The following GRID2 variants were observed in gnomAD, a reference collection of about 807,000 sequenced individuals.
GRID2 encodes glutamate ionotropic receptor delta type subunit 2, also known as glutamate receptor ionotropic, delta-2.
GRID2 carries 33 observed loss-of-function variants against 114.8 expected under a neutral mutation model. The observed-to-expected ratio is 0.29, with a 90% CI of 0.22 to 0.38. The LOEUF is 0.38. GRID2 is among the 10% of genes least tolerant of loss of function. The pLI, the probability that GRID2 is intolerant of heterozygous loss-of-function variation, is 1.00. For synonymous variants in GRID2, 505 were observed against 449.9 expected (o/e 1.12, Z -1.55); for missense variants, 1,184 against 1,257.7 (o/e 0.94, Z 0.89).
chr4:92,634,235 A>G (rs1206833867), intron 2 of GRID2, among the ~76,000 whole-genome samples: 3 of 152,168 alleles, frequency 2.0e-5, no homozygotes. Context: ...AGTATTATAA[A>G]AGGACATAGG....
At chr4:92,875,385 C>A (rs1745559036) in intron 2 of GRID2, among the ~76,000 whole-genome samples, 1 of 151,880 alleles carries the variant, frequency 6.6e-6, no homozygotes, top group South Asian at 2.1e-4. Context: ...AGACTGGTCT[C>A]GAAATCCTGA....
Position 93,372,613 on chromosome 4 carries a change from T to C in GRID2, c.1246-22994T>C, listed in dbSNP as rs185689715. Among the ~76,000 whole-genome samples the C allele has an allele frequency of 1.4e-3, 207 of 152,242 alleles. 2 individuals carry two copies. Among genetic ancestry groups the C allele is most frequent in the Admixed American group, 0.011 (168 of 15,274 alleles). On this transcript the variant is annotated intron_variant, in intron 8 of 15. Transcript: ENST00000282020. ...AATTGACTCCTAAATGGTTTCTGTGTCTCTAGTGTCTTGTAGACATTAGAG... is the reference window on the plus strand; with the variant it reads ...AATTGACTCCTAAATGGTTTCTGTGCCTCTAGTGTCTTGTAGACATTAGAG...
chr4:92,508,196 AGTT>A (rs1229236956), intron 1 of GRID2, among the ~76,000 whole-genome samples: 4 of 151,936 alleles, frequency 2.6e-5, no homozygotes, highest in Non-Finnish European at 4.4e-5. Flanking sequence ...ATTCAGAAAC[AGTT>A]GTTGTATAAA....
intron 2 of GRID2, among the ~76,000 whole-genome samples, chr4:92,821,225 ATAAT>A (rs1220205035): frequency 6.6e-6 from 1 of 152,194 alleles, no homozygotes; most frequent in Non-Finnish European, 1.5e-5. Flanking sequence ...CTTCTTGTAA[ATAAT>A]TCCAATACAA....
At chr4:92,788,432 T>G (rs1464749181) in intron 2 of GRID2, among the ~76,000 whole-genome samples, 7 of 151,878 alleles carry the variant, frequency 4.6e-5, no homozygotes, top group African/African-American at 1.2e-4. Flanking sequence ...TTCAAGGAGC[T>G]TTGCTGCTAA....
intron 4 of GRID2, among the ~76,000 whole-genome samples, chr4:93,148,841 C>A (rs1004035933): frequency 4.6e-5 from 7 of 152,114 alleles, no homozygotes; most frequent in African/African-American, 1.7e-4. Context: ...ATAAATATTT[C>A]ATGACTAAAG....
chr4:93,792,102 A>T (rs1030113956), intron 1 of GRID2, among the ~76,000 whole-genome samples: 20 of 152,200 alleles, frequency 1.3e-4, no homozygotes, highest in Admixed American at 8.5e-4. Context: ...ATGAAAAGAA[A>T]TGGAAATATT....
intron 14 of GRID2, among the ~76,000 whole-genome samples, chr4:93,738,468 A>G (rs1731107692): frequency 6.6e-6 from 1 of 152,168 alleles, no homozygotes; most frequent in East Asian, 1.9e-4. Context: ...GGCTTGACCC[A>G]GAGCAATGGC....
intron 1 of GRID2, among the ~76,000 whole-genome samples, chr4:92,307,665 A>G (rs1027005223): frequency 2.0e-5 from 3 of 152,288 alleles, no homozygotes; most frequent in African/African-American, 4.8e-5. Context: ...TTGAAATGAA[A>G]ATGTATTTAT....
In GRID2 at chr4:93,653,612, A is replaced by G. The variant is rs193134291; in HGVS notation, c.2360+27177A>G. Reference sequence around the variant, plus strand: ...GAAGAATAAACTGCCTTCTAAATGTAGTTAGCTAAGAGAAAAGATTAGGAA... The same window carrying G: ...GAAGAATAAACTGCCTTCTAAATGTGGTTAGCTAAGAGAAAAGATTAGGAA... On this transcript the variant is annotated intron_variant, in intron 14 of 15. Coordinates refer to ENST00000282020, the MANE Select transcript of GRID2 (RefSeq NM_001510.4). Among the ~76,000 whole-genome samples, 307 of 152,240 alleles carry G rather than the reference A, an allele frequency of 2.0e-3. 2 individuals carry two copies. The highest frequency in any genetic ancestry group is 3.7e-3 in the Admixed American group (56 of 15,282).
chr4:93,786,687 TAAG>T (rs1178535663), intron 1 of GRID2, among the ~76,000 whole-genome samples: 5 of 152,272 alleles, frequency 3.3e-5, no homozygotes, highest in Middle Eastern at 3.4e-3. Context: ...GTCAGAAATT[TAAG>T]AAGAATAAAG....
At chr4:92,394,519 C>T (rs1177174713) in intron 1 of GRID2, among the ~76,000 whole-genome samples, 1 of 151,894 alleles carries the variant, frequency 6.6e-6, no homozygotes, top group Non-Finnish European at 1.5e-5. Flanking sequence ...GGTTACAATG[C>T]TTATATCATT....
intron 8 of GRID2, among the ~76,000 whole-genome samples, chr4:93,349,278 C>T (rs1214774349): frequency 6.6e-6 from 1 of 152,070 alleles, no homozygotes; most frequent in African/African-American, 2.4e-5. Context: ...GCCATCTACT[C>T]CATTACTTGG....
At chr4:93,252,329 ATTTTTTT>A (rs56056248) in intron 8 of GRID2, among the ~76,000 whole-genome samples, 1 of 119,760 alleles carries the variant, frequency 8.4e-6, no homozygotes, top group African/African-American at 3.2e-5. Context: ...GGAATCCTTC[ATTTTTTT>A]TTTTTTTTTT....
chr4:93,566,886 T>C (rs1459251493), intron 13 of GRID2, among the ~76,000 whole-genome samples: 4 of 152,202 alleles, frequency 2.6e-5, no homozygotes, highest in Non-Finnish European at 4.4e-5. Flanking sequence ...GTTTAATACA[T>C]GCTTTATACT....
chr4:93,676,538 G>A (rs1369661366), intron 14 of GRID2, among the ~76,000 whole-genome samples: 2 of 152,072 alleles, frequency 1.3e-5, no homozygotes, highest in Non-Finnish European at 2.9e-5. Context: ...ATAAATGGCT[G>A]TAACCTCCAC....
intron 8 of GRID2, among the ~76,000 whole-genome samples, chr4:93,383,504 C>A (rs980986888): frequency 6.6e-6 from 1 of 152,166 alleles, no homozygotes; most frequent in Non-Finnish European, 1.5e-5. Context: ...GACTCCAGAA[C>A]TCCAGAATAT....
chr4:92,333,102 C>A (rs1054998680), intron 1 of GRID2, among the ~76,000 whole-genome samples: 17 of 152,248 alleles, frequency 1.1e-4, no homozygotes, highest in African/African-American at 4.1e-4. Flanking sequence ...TGTAACAAGT[C>A]TCTGCCTGGT....
At chr4:92,839,846 G>A (rs1048203712) in intron 2 of GRID2, among the ~76,000 whole-genome samples, 4 of 152,080 alleles carry the variant, frequency 2.6e-5, no homozygotes, top group African/African-American at 7.2e-5. Flanking sequence ...TTGGTCTATC[G>A]TACAGATTAA....
Sources: gnomAD v4.1 joint callset for allele counts (sites outside exome capture counted in the v4.1 genomes callset) on GRCh38, gnomAD v4.1.1 for gene constraint, MANE v1.5 for transcripts, NCBI Gene and HGNC (gene_info 2026-07-23, HGNC 2026-07-21) for gene names.